The following TENM4 variants were observed in gnomAD, a reference collection of about 807,000 sequenced individuals.
TENM4 encodes teneurin-4.
A neutral mutation model predicts 243.3 loss-of-function variants in TENM4; 82 were observed. The observed-to-expected ratio is 0.34, with a 90% confidence interval of 0.28 to 0.40. The LOEUF is 0.40. TENM4 is among the 10% of genes least tolerant of loss of function. TENM4 has a pLI of 1.00. For synonymous variants in TENM4, 1,412 were observed against 1,456.3 expected (o/e 0.97, Z 0.69); for missense variants, 3,138 against 3,673.3 (o/e 0.85, Z 3.77).
At chr11:79,201,229 G>A (rs1304572195) in intron 3 of TENM4, among the ~76,000 whole-genome samples, 1 of 152,184 alleles carries the variant, frequency 6.6e-6, no homozygotes, top group Non-Finnish European at 1.5e-5. Context: ...GTTTCTAACA[G>A]TAGTGTTTCT....
intron 4 of TENM4, among the ~76,000 whole-genome samples, chr11:79,083,219 G>A (rs1403662020): frequency 6.6e-6 from 1 of 152,198 alleles, no homozygotes; most frequent in African/African-American, 2.4e-5. Flanking sequence ...CCTCCAAGAT[G>A]GGGACAGGGA....
At chr11:78,704,159 C>CTA (rs56026926) in intron 27 of TENM4, among the ~76,000 whole-genome samples, 35,539 of 104,410 alleles carry the variant, frequency 0.34, 6,435 homozygotes, top group Non-Finnish European at 0.43. Context: ...GTATGTGTGT[C>CTA]TATATATATA....
intron 24 of TENM4, among the ~76,000 whole-genome samples, chr11:78,722,379 G>A (rs1030445512): frequency 1.3e-5 from 2 of 152,236 alleles, no homozygotes; most frequent in East Asian, 3.9e-4. Context: ...GAAACAGAAA[G>A]AAGATTCAGT....
At chr11:79,244,948 A>G (rs1007992454) in intron 2 of TENM4, among the ~76,000 whole-genome samples, 2 of 152,196 alleles carry the variant, frequency 1.3e-5, no homozygotes, top group Non-Finnish European at 2.9e-5. Flanking sequence ...TAACAGCAGA[A>G]GGTAGCTAAG....
chr11:78,962,762 A>G (rs1857357662), intron 6 of TENM4, among the ~76,000 whole-genome samples: 2 of 152,242 alleles, frequency 1.3e-5, no homozygotes, highest in African/African-American at 4.8e-5. Flanking sequence ...CTGAGCCCCT[A>G]TAAGCTGGCC....
chr11:78,928,494 A>G (rs1451377216), intron 6 of TENM4, among the ~76,000 whole-genome samples: 2 of 152,354 alleles, frequency 1.3e-5, no homozygotes, highest in South Asian at 4.1e-4. Context: ...AAGGTGCTTG[A>G]CGGAATAGAT....
At chr11:78,773,488 T>C (rs990281104) in intron 17 of TENM4, among the ~76,000 whole-genome samples, 4 of 152,002 alleles carry the variant, frequency 2.6e-5, no homozygotes, top group African/African-American at 9.7e-5. Flanking sequence ...GCATATAATA[T>C]CATATGTTGT....
At chr11:79,183,861 T>C (rs201969943) in intron 3 of TENM4, among the ~76,000 whole-genome samples, 3 of 152,130 alleles carry the variant, frequency 2.0e-5, no homozygotes, top group Non-Finnish European at 4.4e-5. Context: ...ATAACAAGCA[T>C]TGGCAAAAAT....
Position 78,826,789 on chromosome 11 carries a change from C to T in TENM4, c.1682-12394G>A, listed in dbSNP as rs17137216. 5.2e-3 allele frequency among the ~76,000 whole-genome samples: 784 copies of T among 152,190 alleles called. 5 individuals carry two copies. Among genetic ancestry groups the T allele is most frequent in the African/African-American group, 0.018 (752 of 41,512 alleles). On this transcript the variant is annotated intron_variant, in intron 12 of 33. Transcript: ENST00000278550. Reference sequence around the variant, plus strand: ...CATGTTGGCTTTCATATATCTATTTCGATACTTAGAACTTGTTAAATACAA... The same window carrying T: ...CATGTTGGCTTTCATATATCTATTTTGATACTTAGAACTTGTTAAATACAA...
chr11:78,702,335 G>A lies in TENM4; in HGVS notation c.4278C>T (p.Asn1426=). The change falls in exon 28 of 34, where the codon AAC becomes AAT. Residue 1426 remains asparagine (N), a synonymous_variant. Coordinates refer to ENST00000278550, the MANE Select transcript of TENM4 (RefSeq NM_001098816.3). ...PMDNSLYVLD[N]NVVLQISENH... The stretch of plus-strand genomic sequence containing the variant: ...TTTCAGAGATTTGCAGGACCACATT[G>A]TTGTCGAGGACATAAAGTGAGTTGT... The A allele has an allele frequency of 6.2e-7, 1 of 1,614,016 alleles. No homozygotes were observed. Among genetic ancestry groups the A allele is most frequent in the Non-Finnish European group, 8.5e-7 (1 of 1,179,896 alleles).
intron 27 of TENM4, among the ~76,000 whole-genome samples, chr11:78,706,538 T>C (rs564304348): frequency 9.2e-5 from 14 of 152,298 alleles, no homozygotes; most frequent in Middle Eastern, 3.4e-3. Context: ...GATGCCAGTA[T>C]TGGAGAGTTT....
intron 6 of TENM4, among the ~76,000 whole-genome samples, chr11:79,020,633 A>C (rs7116605): frequency 0.35 from 52,573 of 151,612 alleles, 11,623 homozygotes; most frequent in African/African-American, 0.63. Flanking sequence ...TAAAAAAAAC[A>C]TGAAAAAATT....
chr11:78,704,249 C>T (rs1235736930), intron 27 of TENM4, among the ~76,000 whole-genome samples: 1 of 148,292 alleles, frequency 6.7e-6, no homozygotes, highest in East Asian at 2.0e-4. Context: ...CTCCTGGGCT[C>T]AAGCAATTTG....
chr11:79,005,127 A>G (rs905685051), intron 6 of TENM4, among the ~76,000 whole-genome samples: 7 of 152,100 alleles, frequency 4.6e-5, no homozygotes, highest in African/African-American at 1.7e-4. Context: ...TGAAAAGCCT[A>G]CCCACCAGAG....
At chr11:78,714,313 T>G (rs1035159723) in intron 25 of TENM4, among the ~76,000 whole-genome samples, 1 of 150,800 alleles carries the variant, frequency 6.6e-6, no homozygotes, top group Non-Finnish European at 1.5e-5. Flanking sequence ...AAGGTCTTAA[T>G]CTGGCCCTGG....
chr11:79,138,908 TAAATATATATTACATTTCC>T (rs1477908751), intron 4 of TENM4, among the ~76,000 whole-genome samples: 1,164 of 106,540 alleles, frequency 0.011, 11 homozygotes, highest in African/African-American at 0.02. Flanking sequence ...TATATTTCTA[TAAATATATATTACATTTCC>T]ATAAATATAT....
intron 7 of TENM4, among the ~76,000 whole-genome samples, chr11:78,895,853 G>T (rs1487884671): frequency 6.6e-6 from 1 of 152,214 alleles, no homozygotes; most frequent in Non-Finnish European, 1.5e-5. Flanking sequence ...TGACCTCACA[G>T]CCCTGAGCTG....
At chr11:78,950,635 C>T (rs1397748238) in intron 6 of TENM4, among the ~76,000 whole-genome samples, 1 of 152,150 alleles carries the variant, frequency 6.6e-6, no homozygotes, top group African/African-American at 2.4e-5. Context: ...AAAATGACAA[C>T]AATGATAGAA....
At chr11:79,166,551 A>T (rs1202621144) in intron 3 of TENM4, among the ~76,000 whole-genome samples, 1 of 152,214 alleles carries the variant, frequency 6.6e-6, no homozygotes, top group African/African-American at 2.4e-5. Context: ...ACTATTGGCT[A>T]TTCTAAGTTA....
Sources: allele counts gnomAD v4.1 joint callset (sites outside exome capture counted in the v4.1 genomes callset), GRCh38; gene constraint gnomAD v4.1.1; transcripts MANE v1.5; gene names NCBI Gene and HGNC (gene_info 2026-07-23, HGNC 2026-07-21).